Variants in KCNG2 observed in about 807,000 individuals in gnomAD.
The protein encoded by KCNG2 is potassium voltage-gated channel modifier subfamily G member 2.
Under a neutral mutation model 12.3 loss-of-function variants are expected in KCNG2, and 7 were observed. The observed-to-expected ratio is 0.57, with a 90% CI of 0.32 to 1.07. KCNG2 has a LOEUF of 1.07. Ranked by LOEUF, KCNG2 falls within the 50% of genes least tolerant of loss-of-function variation. The pLI is 0.04. For missense variants in KCNG2, 703 were observed against 726.0 expected (o/e 0.97, Z 0.36); for synonymous variants, 414 against 351.4 (o/e 1.18, Z -1.99).
intron 3 of KCNG2, among the ~76,000 whole-genome samples, chr18:79,889,427 A>C (rs1287196859): frequency 6.6e-6 from 1 of 152,138 alleles, no homozygotes; most frequent in Non-Finnish European, 1.5e-5. Context: ...CAAAATTTAG[A>C]GTTTCTTTCA....
At chr18:79,807,800 C>A (rs1359991734) in intron 1 of KCNG2, among the ~76,000 whole-genome samples, 10 of 148,098 alleles carry the variant, frequency 6.8e-5, no homozygotes, top group Non-Finnish European at 1.5e-4. Context: ...GACCACACTC[C>A]ACGTTATGGG....
chr18:79,832,320 C>T (rs976607398), intron 1 of KCNG2, among the ~76,000 whole-genome samples: 7 of 151,110 alleles, frequency 4.6e-5, no homozygotes, highest in Admixed American at 2.0e-4. Context: ...CTCAGCTGCC[C>T]GTCCTCACCT....
At chr18:79,827,271 G>A (rs916754790) in intron 1 of KCNG2, among the ~76,000 whole-genome samples, 1 of 152,260 alleles carries the variant, frequency 6.6e-6, no homozygotes, top group Non-Finnish European at 1.5e-5. Flanking sequence ...CAGGGCAGGA[G>A]ATGTGGGTGG....
At chr18:79,868,775 C>T (rs1477145900) in intron 3 of KCNG2, among the ~76,000 whole-genome samples, 1 of 152,186 alleles carries the variant, frequency 6.6e-6, no homozygotes, top group Non-Finnish European at 1.5e-5. Context: ...AGTGCAAGTC[C>T]CAGCCCAGCT....
chr18:79,878,214 T>C (rs1980151604), intron 3 of KCNG2, among the ~76,000 whole-genome samples: 1 of 152,206 alleles, frequency 6.6e-6, no homozygotes, highest in African/African-American at 2.4e-5. Context: ...GAGACTTCAG[T>C]GTAGATCCTG....
chr18:79,829,008 TGTGTGC>T (rs1978288914), intron 1 of KCNG2, among the ~76,000 whole-genome samples: 1 of 102,902 alleles, frequency 9.7e-6, no homozygotes, highest in Non-Finnish European at 2.1e-5. Flanking sequence ...ATGTCCATGA[TGTGTGC>T]ATGTGTCTGT....
chr18:79,854,619 C>T (rs1042295607), intron 1 of KCNG2, among the ~76,000 whole-genome samples: 4 of 150,938 alleles, frequency 2.7e-5, no homozygotes, highest in East Asian at 2.0e-4. Context: ...CTCCACCTCC[C>T]GGGTTCACGC....
intron 1 of KCNG2, among the ~76,000 whole-genome samples, chr18:79,834,712 A>G (rs1978314317): frequency 6.6e-6 from 1 of 152,246 alleles, no homozygotes; most frequent in Non-Finnish European, 1.5e-5. Context: ...AGTCTAGCAG[A>G]CATGCAAGCC....
intron 3 of KCNG2, among the ~76,000 whole-genome samples, chr18:79,876,676 CAGCT>C (rs1980085262): frequency 6.6e-6 from 1 of 152,246 alleles, no homozygotes; most frequent in Non-Finnish European, 1.5e-5. Flanking sequence ...TCTCTCGGCA[CAGCT>C]GGGTGAATCA....
chr18:79,877,704 G>A (rs540962059), intron 3 of KCNG2, among the ~76,000 whole-genome samples: 11 of 152,302 alleles, frequency 7.2e-5, no homozygotes, highest in African/African-American at 2.6e-4. Context: ...CTGGAGCCTC[G>A]GTCGGGGTGA....
At position 79,822,229 on chromosome 18, in the gene KCNG2, G is replaced by C. The variant is rs1022905100; in HGVS notation, c.-115+24215G>C. On this transcript the variant is annotated intron_variant, in intron 1 of 3. Coordinates refer to ENST00000316249, the MANE Select transcript of KCNG2 (RefSeq NM_012283.2). The surrounding 1 kb of genome is among the most constrained non-coding windows in gnomAD (Gnocchi z 4.4). Reference sequence around the variant, plus strand: ...TAGAGGTTCCCATGTCTCCCACCCAGCTTCCTCCAGTGTTGGCAGAATGGT... The same window carrying C: ...TAGAGGTTCCCATGTCTCCCACCCACCTTCCTCCAGTGTTGGCAGAATGGT... 1.3e-5 allele frequency among the ~76,000 whole-genome samples: 2 copies of C among 152,138 alleles called. No homozygotes were observed. The highest frequency in any genetic ancestry group is 4.8e-5 in the African/African-American group (2 of 41,408).
chr18:79,846,368 C>T (rs1568254080), intron 1 of KCNG2, among the ~76,000 whole-genome samples: 1 of 121,732 alleles, frequency 8.2e-6, no homozygotes, highest in East Asian at 2.2e-4. Flanking sequence ...GAGCGAGACT[C>T]CGTCTCAAAA....
intron 1 of KCNG2, among the ~76,000 whole-genome samples, chr18:79,820,035 C>T (rs1568245057): frequency 6.6e-6 from 1 of 152,230 alleles, no homozygotes; most frequent in Non-Finnish European, 1.5e-5. Context: ...CTTCCTTCTC[C>T]GAAGGAGGTG....
chr18:79,849,113 A>T (rs556849472), intron 1 of KCNG2, among the ~76,000 whole-genome samples: 1 of 152,054 alleles, frequency 6.6e-6, no homozygotes, highest in East Asian at 1.9e-4. Flanking sequence ...CCCCGCCTCC[A>T]CATCGAGCCC....
chr18:79,842,084 C>G (rs2123038155), intron 1 of KCNG2, among the ~76,000 whole-genome samples: 1 of 152,294 alleles, frequency 6.6e-6, no homozygotes, highest in East Asian at 1.9e-4. Flanking sequence ...AGCCTCCAGG[C>G]CCACCCTAGC....
At chr18:79,828,649 CTG>C (rs1221029882) in intron 1 of KCNG2, among the ~76,000 whole-genome samples, 1 of 148,130 alleles carries the variant, frequency 6.8e-6, no homozygotes, top group East Asian at 2.0e-4. Flanking sequence ...GTGTGTATGT[CTG>C]TGTGTGCCTG....
chr18:79,814,426 G>A (rs1052600038), intron 1 of KCNG2, among the ~76,000 whole-genome samples: 3 of 152,342 alleles, frequency 2.0e-5, no homozygotes, highest in East Asian at 1.9e-4. Flanking sequence ...ATGGGTTATC[G>A]GTACACACAG....
rs376481284 is a variant in KCNG2 at position 79,885,888 on chromosome 18, A to G, written c.625-13152A>G. On this transcript the variant is annotated intron_variant, in intron 3 of 3. Coordinates refer to ENST00000316249, the MANE Select transcript of KCNG2 (RefSeq NM_012283.2). ...AACATAGGGACGTGGGGACGGGGAC[A>G]TGGGGACACGGGACAGGGAGATGGG... Among the ~76,000 whole-genome samples, 33 of 18,036 alleles carry G rather than the reference A, an allele frequency of 1.8e-3. 1 individual carries two copies. The highest frequency in any genetic ancestry group is 9.6e-3 in the East Asian group (3 of 312). 11.8% of individuals were successfully genotyped at this position (18,036 alleles called of 152,430 possible). A position where few individuals can be genotyped will look rare whatever the true frequency, so the allele number is the denominator to read the frequency against.
intron 1 of KCNG2, among the ~76,000 whole-genome samples, chr18:79,798,689 T>C (rs1390060874): frequency 6.6e-6 from 1 of 152,154 alleles, no homozygotes; most frequent in Non-Finnish European, 1.5e-5. Flanking sequence ...CCGGAGCCCA[T>C]GCGCCCCGTC....
Sources: gnomAD v4.1 joint callset for allele counts (sites outside exome capture counted in the v4.1 genomes callset) on GRCh38, gnomAD v4.1.1 for gene constraint, Gnocchi (gnomAD v3.1) non-coding constraint, MANE v1.5 for transcripts, NCBI Gene and HGNC (gene_info 2026-07-23, HGNC 2026-07-21) for gene names.